Variants in DNAH11 observed in about 807,000 individuals in gnomAD.
DNAH11 encodes the protein dynein axonemal heavy chain 11, also known as axonemal beta dynein heavy chain 11.
DNAH11 carries 442 observed loss-of-function variants against 526.0 expected under a neutral mutation model. The observed-to-expected ratio is 0.84, with a 90% confidence interval of 0.78 to 0.91. The LOEUF (loss-of-function observed/expected upper bound fraction) is 0.91. Ranked by LOEUF, DNAH11 falls within the 40% of genes least tolerant of loss-of-function variation. The probability of loss-of-function intolerance (pLI) is 0.00; values close to 1 mark genes in which losing one functional copy is unlikely to be tolerated. For synonymous variants in DNAH11, 2,461 were observed against 1,935.9 expected, an observed-to-expected ratio of 1.27 and a Z score of -7.12; for missense variants, 6,989 against 5,448.7, an observed-to-expected ratio of 1.28 and a Z score of -8.90.
At chr7:21,709,265 T>G (rs1784377993) in intron 40 of DNAH11, among the ~76,000 whole-genome samples, 1 of 152,156 alleles carries the variant, frequency 6.6e-6, no homozygotes, top group Non-Finnish European at 1.5e-5. Context: ...ACATCATGTT[T>G]TTTTCAGCAA....
At chr7:21,564,886 C>T (rs961280064) in intron 6 of DNAH11, among the ~76,000 whole-genome samples, 1 of 150,150 alleles carries the variant, frequency 6.7e-6, no homozygotes, top group Non-Finnish European at 1.5e-5. Flanking sequence ...CCTTACTCAA[C>T]CTGCAAAATG....
In DNAH11 at chr7:21,720,733, T is replaced by C. The variant is rs1420392307; in HGVS notation, c.7143T>C (p.Cys2381=). The C allele has an allele frequency of 3.8e-6, 6 of 1,572,584 alleles. No homozygotes were observed. The highest frequency in any genetic ancestry group is 5.2e-6 in the Non-Finnish European group (6 of 1,157,714). The change falls in exon 44 of 82, where the codon TGT becomes TGC. Residue 2381 remains cysteine, a synonymous_variant. Transcript: ENST00000409508. ...IPESSLVQTL[C]VLLECLLTPE... ...TATTTCTTTTTCTTTAGACTCTATG[T>C]GTTCTTTTGGAGTGCTTGCTGACTC...
chr7:21,744,735 G>A (rs1261880350), intron 50 of DNAH11, 135 bp from the exon 51 acceptor site: 18 of 1,429,104 alleles, frequency 1.3e-5, no homozygotes, highest in Non-Finnish European at 1.6e-5. Flanking sequence ...AATACACTTG[G>A]TCTATGCTTG....
At chr7:21,824,169 G>A (rs1347964868) in intron 65 of DNAH11, among the ~76,000 whole-genome samples, 4 of 152,106 alleles carry the variant, frequency 2.6e-5, no homozygotes, top group Non-Finnish European at 5.9e-5. Flanking sequence ...GGAGTATTTT[G>A]GGTTTTTAGG....
intron 52 of DNAH11, 131 bp from the exon 53 acceptor site, chr7:21,749,547 T>A: frequency 8.4e-7 from 1 of 1,190,478 alleles, no homozygotes; most frequent in Non-Finnish European, 1.2e-6. Context: ...AGAAGGAATA[T>A]GTAAACCAGG....
chr7:21,875,209 T>C (rs911611357), intron 74 of DNAH11, among the ~76,000 whole-genome samples: 2 of 152,168 alleles, frequency 1.3e-5, no homozygotes, highest in African/African-American at 4.8e-5. Flanking sequence ...ATGACAGACA[T>C]ATATGTTTTT....
chr7:21,682,429 G>A (rs1485752373), intron 31 of DNAH11, among the ~76,000 whole-genome samples: 3 of 151,708 alleles, frequency 2.0e-5, no homozygotes, highest in South Asian at 4.2e-4. Flanking sequence ...GGGAGGCTGA[G>A]GCGGGAGAAT....
chr7:21,571,864 C>A lies in DNAH11; in HGVS notation c.1484C>A (p.Thr495Asn), dbSNP rs781721441. The A allele has an allele frequency of 8.1e-6, 13 of 1,612,880 alleles. No individual in the cohort carries two copies. The highest frequency in any genetic ancestry group is 2.2e-5 in the East Asian group (1 of 44,804). Residue 495 changes from threonine to asparagine, a missense_variant, in exon 8 of 82, where the codon ACC becomes AAC. Transcript: ENST00000409508. The stretch of plus-strand genomic sequence containing the variant: ...CTGGAAAGACTGGAATTTGGTGGTA[C>A]CAAAGGAGCAATTTTAAATGGACAA... ...EKLERLEFGG[T>N]KGAILNGQVH...
At chr7:21,845,876 A>C (rs1782397807) in intron 66 of DNAH11, among the ~76,000 whole-genome samples, 1 of 152,176 alleles carries the variant, frequency 6.6e-6, no homozygotes, top group Non-Finnish European at 1.5e-5. Flanking sequence ...ATCAACATGC[A>C]ATATCTCTCC....
At chr7:21,560,658 C>G (rs187381415) in intron 4 of DNAH11, among the ~76,000 whole-genome samples, 23 of 152,330 alleles carry the variant, frequency 1.5e-4, no homozygotes, top group African/African-American at 5.5e-4. Context: ...CCTGCCTGCT[C>G]TATTCTTGCT....
intron 25 of DNAH11, among the ~76,000 whole-genome samples, chr7:21,627,209 C>T (rs757276758): frequency 1.3e-5 from 2 of 151,878 alleles, no homozygotes; most frequent in Admixed American, 6.6e-5. Flanking sequence ...ATATTTTCTC[C>T]CATTCTGTAG....
chr7:21,549,638 T>C (rs1369902784), intron 2 of DNAH11, among the ~76,000 whole-genome samples: 1 of 152,128 alleles, frequency 6.6e-6, no homozygotes, highest in Non-Finnish European at 1.5e-5. Context: ...GTGATGAGTA[T>C]AGGATTGCGT....
chr7:21,874,059 G>C (rs1421647285), intron 74 of DNAH11, among the ~76,000 whole-genome samples: 1 of 151,826 alleles, frequency 6.6e-6, no homozygotes, highest in East Asian at 1.9e-4. Flanking sequence ...CCAAAGTGCT[G>C]GGATTACAGA....
chr7:21,851,257 T>C, intron 66 of DNAH11: 1 of 237,178 alleles, frequency 4.2e-6, no homozygotes, highest in East Asian at 9.7e-5. Context: ...CCCCCTTTGC[T>C]GGGCACTTCT....
intron 28 of DNAH11, among the ~76,000 whole-genome samples, chr7:21,645,270 A>T (rs1787303009): frequency 1.3e-5 from 2 of 152,326 alleles, no homozygotes; most frequent in South Asian, 4.1e-4. Context: ...GCTTGAACTC[A>T]GTGGGTAGAG....
At chr7:21,876,125 C>T (rs996782897) in intron 74 of DNAH11, among the ~76,000 whole-genome samples, 1 of 152,082 alleles carries the variant, frequency 6.6e-6, no homozygotes, top group African/African-American at 2.4e-5. Context: ...ACCTTGTGAT[C>T]TGCCCGCCTC....
Position 21,564,371 on chromosome 7 carries a change from G to A in DNAH11, c.1168G>A (p.Glu390Lys), listed in dbSNP as rs771348362. ...AGCTCGGGTTATAGTTTTATTGCAA[G>A]AGTTTTGTAATCTCTTCATTAACCA... ...TPARVIVLLQ[E>K]FCNLFINQAT... The change falls in exon 6 of 82, where the codon GAG becomes AAG. Residue 390 changes from glutamate to lysine, a missense_variant. Physicochemically the swap from Glu to Lys is moderately conservative, Grantham distance 56. Coordinates refer to ENST00000409508, the MANE Select transcript of DNAH11 (RefSeq NM_001277115.2). The A allele has an allele frequency of 2.5e-6, 4 of 1,612,796 alleles. No individual in the cohort carries two copies. The highest frequency in any genetic ancestry group is 3.4e-6 in the Non-Finnish European group (4 of 1,179,474).
intron 55 of DNAH11, among the ~76,000 whole-genome samples, chr7:21,768,125 T>TC (rs1350286350): frequency 1.3e-4 from 20 of 152,224 alleles, no homozygotes; most frequent in African/African-American, 4.6e-4. Context: ...GTTTGACACT[T>TC]AAGTATTTAT....
chr7:21,874,879 A>C (rs1783646198), intron 74 of DNAH11, among the ~76,000 whole-genome samples: 1 of 152,164 alleles, frequency 6.6e-6, no homozygotes, highest in South Asian at 2.1e-4. Flanking sequence ...AGGACAGTAG[A>C]ATGAACCCTA....
Sources: gnomAD v4.1 joint callset for allele counts (sites outside exome capture counted in the v4.1 genomes callset) on GRCh38, gnomAD v4.1.1 for gene constraint, MANE v1.5 for transcripts, NCBI Gene and HGNC (gene_info 2026-07-23, HGNC 2026-07-21) for gene names.